Variants in SLC13A4 observed in about 807,000 individuals in gnomAD.
The protein encoded by SLC13A4 is Na(+)/sulfate cotransporter SUT-1.
A neutral mutation model predicts 72.7 loss-of-function variants in SLC13A4; 28 were observed. That is an observed-to-expected ratio of 0.39 (90% confidence interval 0.29 to 0.53). The LOEUF (loss-of-function observed/expected upper bound fraction) is 0.53. SLC13A4 is among the 20% of genes least tolerant of loss of function. SLC13A4 has a pLI of 0.78. For synonymous variants in SLC13A4, 312 were observed against 325.5 expected (o/e 0.96, Z 0.45); for missense variants, 653 against 788.0 (o/e 0.83, Z 2.05).
At chr7:135,708,045 CCA>C in intron 3 of SLC13A4, 67 bp downstream of exon 3, 1 of 1,569,550 alleles carries the variant, frequency 6.4e-7, no homozygotes. Context: ...TGACCTGAGA[CCA>C]CTGTCCTGGT....
chr7:135,708,341 C>T (rs1178357990), intron 2 of SLC13A4, 91 bp from the exon 3 acceptor site: 3 of 1,542,022 alleles, frequency 1.9e-6, no homozygotes, highest in Admixed American at 1.9e-5. Context: ...CCCAATAAAA[C>T]CTGTTCTCAA....
chr7:135,684,144 G>A lies in SLC13A4; in HGVS notation c.1726C>T (p.His576Tyr). 1 of 1,611,148 alleles carries A rather than the reference G, an allele frequency of 6.2e-7. No individual in the cohort carries two copies. The highest frequency in any genetic ancestry group is 1.1e-5 in the South Asian group (1 of 90,498). Residue 576 changes from histidine (H) to tyrosine (Y), a missense_variant, in exon 15 of 16, where the codon CAC becomes TAC. Coordinates refer to ENST00000682651, the MANE Select transcript of SLC13A4 (RefSeq NM_001318192.2). The stretch of plus-strand genomic sequence containing the variant: ...CTCACCATATCTTTGATCTGGCAGT[G>A]CCCATAGCTGAAGACGATGGCATTA... ...PPNAIVFSYG[H>Y]CQIKDMVKAG...
chr7:135,705,472 G>A, intron 5 of SLC13A4, 124 bp downstream of exon 5: 1 of 831,926 alleles, frequency 1.2e-6, no homozygotes, highest in Admixed American at 2.0e-5. Context: ...GGGGGGTGGT[G>A]TGGCAAGGTG....
chr7:135,693,414 A>C (rs1795835004), intron 10 of SLC13A4: 1 of 114,582 alleles, frequency 8.7e-6, no homozygotes, highest in Non-Finnish European at 1.7e-5. Flanking sequence ...GTTTTGCACA[A>C]AAAAGCATGG....
At position 135,691,230 on chromosome 7, in the gene SLC13A4, C is replaced by T. The variant is rs1795778803; in HGVS notation, c.1417G>A (p.Gly473Arg). The T allele has an allele frequency of 6.2e-7, 1 of 1,612,574 alleles. No individual in the cohort carries two copies. Among genetic ancestry groups the T allele is most frequent in the Non-Finnish European group, 8.5e-7 (1 of 1,179,612 alleles). ...MPWEIVILVG[G>R]GYALASGSKS... ...CTACCAGAAGCCAGAGCATAGCCTC[C>T]CCCAACCAGAATGACAATCTCCCAG... The change falls in exon 13 of 16, where the codon GGA becomes AGA. Residue 473 changes from glycine to arginine, a missense_variant. Transcript: ENST00000682651.
intron 13 of SLC13A4, among the ~76,000 whole-genome samples, chr7:135,688,458 T>C (rs1033500332): frequency 2.6e-5 from 4 of 152,170 alleles, no homozygotes; most frequent in Non-Finnish European, 5.9e-5. Context: ...CGTTTCACCA[T>C]GTTGGCCAGG....
intron 2 of SLC13A4, among the ~76,000 whole-genome samples, chr7:135,712,508 C>T (rs1299231279): frequency 6.6e-6 from 1 of 150,702 alleles, no homozygotes; most frequent in Non-Finnish European, 1.5e-5. Context: ...GTCCCTACCT[C>T]ATAAGGTTAT....
rs1250123892 is a variant in SLC13A4 at position 135,708,173 on chromosome 7, C to T, written c.306G>A (p.Trp102Ter). 1 of 1,614,232 alleles carries T rather than the reference C, an allele frequency of 6.2e-7. No individual in the cohort carries two copies. Among genetic ancestry groups the T allele is most frequent in the African/African-American group, 1.3e-5 (1 of 75,058 alleles). Residue 102 changes from tryptophan (W) to a stop codon, truncating the protein, a stop_gained, in exon 3 of 16, where the codon TGG (tryptophan) becomes TGA (stop). Coordinates refer to ENST00000682651, the MANE Select transcript of SLC13A4 (RefSeq NM_001318192.2). LOFTEE classifies it high-confidence loss of function. ...GCAGAGCAATGCGCTTATGCAGGTT[C>T]CACTTCTCCACGGCAGCCGCCACGC... The part of the protein sequence containing the change: ...VICVAAAVEK[W>*]NLHKRIALRM...
chr7:135,715,275 G>A (rs1796397383), intron 2 of SLC13A4, among the ~76,000 whole-genome samples: 1 of 150,038 alleles, frequency 6.7e-6, no homozygotes, highest in Non-Finnish European at 1.5e-5. Context: ...ATGTGTATGA[G>A]TGTATGAGTG....
intron 2 of SLC13A4, among the ~76,000 whole-genome samples, chr7:135,709,951 A>G (rs1796260603): frequency 6.6e-6 from 1 of 152,196 alleles, no homozygotes; most frequent in Non-Finnish European, 1.5e-5. Context: ...TCGGCTGTGA[A>G]TGGTTCCCTT....
intron 3 of SLC13A4, chr7:135,707,881 T>G (rs1796203897): frequency 4.2e-6 from 2 of 471,318 alleles, no homozygotes; most frequent in Non-Finnish European, 7.5e-6. Flanking sequence ...CCTTGCAGCC[T>G]AGGTCAATGG....
chr7:135,701,243 C>T (rs557589686), intron 7 of SLC13A4, among the ~76,000 whole-genome samples: 2 of 152,250 alleles, frequency 1.3e-5, no homozygotes, highest in Admixed American at 6.5e-5. Context: ...AATCAACGGT[C>T]GTAAGTGACA....
chr7:135,706,370 C>A, intron 3 of SLC13A4, 70 bp from the exon 4 acceptor site: 1 of 1,479,118 alleles, frequency 6.8e-7, no homozygotes, highest in Non-Finnish European at 9.1e-7. Flanking sequence ...CAGTGGGCCT[C>A]CTACCAACCT....
intron 8 of SLC13A4, among the ~76,000 whole-genome samples, chr7:135,697,294 T>C (rs182981625): frequency 2.6e-5 from 4 of 152,396 alleles, no homozygotes; most frequent in Admixed American, 6.5e-5. Context: ...TGTTTTCACC[T>C]GGACATCTCA....
intron 2 of SLC13A4, among the ~76,000 whole-genome samples, chr7:135,714,434 C>T (rs921377778): frequency 1.1e-4 from 17 of 152,218 alleles, no homozygotes; most frequent in African/African-American, 3.6e-4. Context: ...TGGTGGTTCA[C>T]AGGGAGCTGC....
chr7:135,714,239 G>A (rs557523631), intron 2 of SLC13A4, among the ~76,000 whole-genome samples: 1 of 152,328 alleles, frequency 6.6e-6, no homozygotes, highest in East Asian at 1.9e-4. Context: ...CTAAAGTAGA[G>A]AGACCCAGAT....
At chr7:135,699,027 A>C (rs1795969931) in intron 8 of SLC13A4, among the ~76,000 whole-genome samples, 1 of 151,866 alleles carries the variant, frequency 6.6e-6, no homozygotes, top group Admixed American at 6.6e-5. Flanking sequence ...CGTAACCTCA[A>C]ATTCCTGGGC....
chr7:135,727,439 G>A lies in SLC13A4; in HGVS notation c.58C>T (p.Pro20Ser). The A allele has an allele frequency of 6.5e-7, 1 of 1,550,084 alleles. No individual in the cohort carries two copies. The highest frequency in any genetic ancestry group is 2.4e-5 in the East Asian group (1 of 40,916). Residue 20 changes from proline (P) to serine (S), a missense_variant, in exon 1 of 16, where the codon CCG (proline) becomes TCG (serine). Transcript: ENST00000682651. The stretch of plus-strand genomic sequence containing the variant: ...ACGGGCAGAGGCAGCAGCAGGAGCG[G>A]GACGCAGACGACCAGCAGCAGCTTC... ...VRKLLLVVCV[P>S]LLLLPLPVLH...
At chr7:135,683,416 T>C (rs73160710) in intron 15 of SLC13A4, 63,410 of 984,192 alleles carry the variant, frequency 0.064, 2,178 homozygotes, top group South Asian at 0.089. Flanking sequence ...CGAGAACAAA[T>C]TTGGCTCCCA....
Sources: gnomAD v4.1 joint callset for allele counts (sites outside exome capture counted in the v4.1 genomes callset) on GRCh38, gnomAD v4.1.1 for gene constraint, MANE v1.5 for transcripts, NCBI Gene and HGNC (gene_info 2026-07-23, HGNC 2026-07-21) for gene names.